Variants in DSE observed in about 807,000 individuals in gnomAD.
DSE encodes the protein dermatan sulfate epimerase.
DSE carries 36 observed loss-of-function variants against 84.4 expected under a neutral mutation model. That is an observed-to-expected ratio of 0.43 (90% CI 0.33 to 0.56). The LOEUF (loss-of-function observed/expected upper bound fraction) is 0.56. DSE is among the 20% of genes least tolerant of loss of function. The pLI is 0.06. For missense variants in DSE, 862 were observed against 1,169.6 expected (o/e 0.74, Z 3.84); for synonymous variants, 410 against 430.1 (o/e 0.95, Z 0.58).
chr6:116,262,596 G>T (rs181378531), intron 2 of DSE, among the ~76,000 whole-genome samples: 2 of 152,120 alleles, frequency 1.3e-5, no homozygotes, highest in African/African-American at 4.8e-5. Flanking sequence ...GAAATTTTTT[G>T]TGTGTCTAAA....
At chr6:116,293,236 T>C (rs1346776746) in intron 2 of DSE, among the ~76,000 whole-genome samples, 1 of 152,122 alleles carries the variant, frequency 6.6e-6, no homozygotes, top group Non-Finnish European at 1.5e-5. Flanking sequence ...AGATGTGATA[T>C]TGAGTTCAAG....
chr6:116,323,683 G>T (rs546298641), intron 2 of DSE, among the ~76,000 whole-genome samples: 1 of 152,182 alleles, frequency 6.6e-6, no homozygotes, highest in African/African-American at 2.4e-5. Context: ...AGAAAGTTTT[G>T]AAAATTTAAA....
intron 2 of DSE, among the ~76,000 whole-genome samples, chr6:116,356,632 C>A (rs1223912523): frequency 6.6e-6 from 1 of 152,080 alleles, no homozygotes; most frequent in East Asian, 1.9e-4. Flanking sequence ...GTAGATGAAA[C>A]AATTATCTCA....
intron 2 of DSE, among the ~76,000 whole-genome samples, chr6:116,295,690 C>T (rs1465372664): frequency 6.6e-6 from 1 of 152,086 alleles, no homozygotes; most frequent in Admixed American, 6.6e-5. Context: ...CATCACTAAA[C>T]CCTGGAAGAG....
chr6:116,434,636 T>G (rs1459897157), intron 5 of DSE, among the ~76,000 whole-genome samples: 1 of 152,220 alleles, frequency 6.6e-6, no homozygotes, highest in East Asian at 1.9e-4. Flanking sequence ...TATAGCAATA[T>G]GCAAACTGAC....
intron 2 of DSE, among the ~76,000 whole-genome samples, chr6:116,347,676 A>G (rs1364515220): frequency 6.6e-6 from 1 of 152,232 alleles, no homozygotes; most frequent in Non-Finnish European, 1.5e-5. Context: ...TGTTAGACCT[A>G]AAACCATAAA....
At chr6:116,310,167 T>C (rs1775602853) in intron 2 of DSE, among the ~76,000 whole-genome samples, 2 of 152,314 alleles carry the variant, frequency 1.3e-5, no homozygotes, top group South Asian at 4.1e-4. Context: ...CTATGACTTG[T>C]AGGTAACTTT....
At chr6:116,323,510 G>A (rs1483371442) in intron 2 of DSE, among the ~76,000 whole-genome samples, 2 of 152,178 alleles carry the variant, frequency 1.3e-5, no homozygotes, top group East Asian at 1.9e-4. Flanking sequence ...GCTATAGTGT[G>A]CTTTGTCTAC....
intron 1 of DSE, among the ~76,000 whole-genome samples, chr6:116,396,497 G>A (rs1157117163): frequency 2.6e-5 from 4 of 152,086 alleles, no homozygotes; most frequent in Non-Finnish European, 4.4e-5. Context: ...TGGCTAACGT[G>A]GTGTTCTGAC....
Position 116,439,494 on chromosome 6 carries a change from T to G in DSE, c.*2149T>G, listed in dbSNP as rs1365757216. On this transcript the variant is annotated 3_prime_UTR_variant, in exon 6 of 6. Transcript: ENST00000644252. ...CTTAAAAAGAAACTTCCTCAGGCAG[T>G]GACTTAAGTGGTTAAGTGAAAAAAA... is the stretch of plus-strand genomic sequence containing the variant. 1 of 151,542 alleles carries G rather than the reference T, an allele frequency of 6.6e-6. No individual in the cohort carries two copies. The highest frequency in any genetic ancestry group is 1.5e-5 in the Non-Finnish European group (1 of 67,822). 9.4% of individuals were successfully genotyped at this position (151,542 alleles called of 1,614,324 possible). A position where few individuals can be genotyped will look rare whatever the true frequency, so the allele number is the denominator to read the frequency against.
At chr6:116,369,121 C>G (rs1779352381), upstream of DSE, among the ~76,000 whole-genome samples, 1 of 152,158 alleles carries the variant, frequency 6.6e-6, no homozygotes, top group Non-Finnish European at 1.5e-5. Context: ...TTTTAAAATG[C>G]AGATGCTGAT....
intron 2 of DSE, chr6:116,280,010 C>T (rs1773419749): frequency 3.7e-6 from 3 of 819,414 alleles, no homozygotes; most frequent in African/African-American, 3.4e-5. Context: ...TTGGTTCCGC[C>T]GCTCCCTGCC....
At chr6:116,271,771 G>A (rs1232520080) in intron 2 of DSE, among the ~76,000 whole-genome samples, 1 of 152,130 alleles carries the variant, frequency 6.6e-6, no homozygotes, top group Non-Finnish European at 1.5e-5. Context: ...CCAAAAGACT[G>A]GAGATGGGCA....
chr6:116,293,162 C>T (rs961130062), intron 2 of DSE, among the ~76,000 whole-genome samples: 3 of 152,076 alleles, frequency 2.0e-5, no homozygotes, highest in Non-Finnish European at 4.4e-5. Context: ...ATAACATAAA[C>T]GAACACATTT....
At chr6:116,349,454 A>G (rs1480321685) in intron 2 of DSE, among the ~76,000 whole-genome samples, 1 of 152,182 alleles carries the variant, frequency 6.6e-6, no homozygotes, top group African/African-American at 2.4e-5. Context: ...CTTTTATGCA[A>G]ACAAATTCAG....
At chr6:116,349,750 G>A (rs991059002) in intron 2 of DSE, among the ~76,000 whole-genome samples, 1 of 152,170 alleles carries the variant, frequency 6.6e-6, no homozygotes, top group Non-Finnish European at 1.5e-5. Context: ...GAGGAGGAAG[G>A]GAGGGCAGAT....
intron 2 of DSE, among the ~76,000 whole-genome samples, chr6:116,304,162 G>C (rs6904698): frequency 0.26 from 38,740 of 151,750 alleles, 6,228 homozygotes; most frequent in East Asian, 0.64. Context: ...GAAACAGTGG[G>C]TCAGAGGAGG....
chr6:116,395,723 T>G (rs1022051758), intron 1 of DSE, among the ~76,000 whole-genome samples: 17 of 152,226 alleles, frequency 1.1e-4, no homozygotes, highest in Non-Finnish European at 2.2e-4. Context: ...TTGGTCCACC[T>G]AAAATTATCT....
chr6:116,360,389 G>A (rs912273157), intron 2 of DSE, among the ~76,000 whole-genome samples: 3 of 152,196 alleles, frequency 2.0e-5, no homozygotes, highest in Middle Eastern at 6.8e-3. Context: ...ATCTGCATCT[G>A]CATCTGGAAA....
Sources: allele counts gnomAD v4.1 joint callset (sites outside exome capture counted in the v4.1 genomes callset), GRCh38; gene constraint gnomAD v4.1.1; transcripts MANE v1.5; gene names NCBI Gene and HGNC (gene_info 2026-07-23, HGNC 2026-07-21).